Variants in KDM2A observed in about 807,000 individuals in gnomAD.
KDM2A encodes lysine demethylase 2A.
Under a neutral mutation model 137.3 loss-of-function variants are expected in KDM2A, and 3 were observed. That is an observed-to-expected ratio of 0.02 (90% confidence interval 0.01 to 0.06). KDM2A has a LOEUF of 0.06. Among genes scored for constraint, KDM2A ranks in the 10% least tolerant of loss-of-function variants. KDM2A has a pLI of 1.00. For missense variants in KDM2A, 738 were observed against 1,510.6 expected (o/e 0.49, Z 8.48); for synonymous variants, 512 against 541.5 (o/e 0.95, Z 0.76).
chr11:67,242,970 C>T (rs765487075), intron 12 of KDM2A, 39 bp from the exon 13 acceptor site: 1 of 1,549,034 alleles, frequency 6.5e-7, no homozygotes, highest in Non-Finnish European at 8.9e-7. Context: ...CTTTGTTCAC[C>T]CTGCCCTGAT....
intron 2 of KDM2A, among the ~76,000 whole-genome samples, chr11:67,131,636 T>G (rs1855857427): frequency 6.6e-6 from 1 of 152,038 alleles, no homozygotes; most frequent in Non-Finnish European, 1.5e-5. Context: ...GGTCTGGAAC[T>G]CCTGACCTCG....
chr11:67,214,766 C>T (rs1234321169), intron 6 of KDM2A, among the ~76,000 whole-genome samples: 1 of 152,176 alleles, frequency 6.6e-6, no homozygotes, highest in Admixed American at 6.5e-5. Context: ...GCCACTGTGC[C>T]TGGTCTATCT....
At chr11:67,253,943 G>A (rs1859519105) in intron 19 of KDM2A, among the ~76,000 whole-genome samples, 1 of 152,214 alleles carries the variant, frequency 6.6e-6, no homozygotes, top group Admixed American at 6.5e-5. Flanking sequence ...GGTATTGGAA[G>A]GGGAGGAGCA....
rs1022892429 is a variant in KDM2A at position 67,203,878 on chromosome 11, G to A, written c.308-3632G>A. 2.0e-5 allele frequency among the ~76,000 whole-genome samples: 3 copies of A among 149,992 alleles called. No homozygotes were observed. In the Admixed American group the frequency reaches 2.0e-4, roughly 10 times the overall value. The stretch of plus-strand genomic sequence containing the variant: ...TGCAGTGGTGCGATCTTGGCTCACT[G>A]CAACCTCTGCCTCTTGAATTCAAGC... On this transcript the variant is annotated intron_variant, in intron 5 of 20. Coordinates refer to ENST00000529006, the MANE Select transcript of KDM2A (RefSeq NM_012308.3).
At chr11:67,240,596 C>A (rs1859002684) in intron 12 of KDM2A, among the ~76,000 whole-genome samples, 1 of 152,184 alleles carries the variant, frequency 6.6e-6, no homozygotes, top group Non-Finnish European at 1.5e-5. Context: ...TCTGCCCAGG[C>A]ACCTTCTGTT....
chr11:67,236,337 G>T (rs905140639), intron 12 of KDM2A, among the ~76,000 whole-genome samples: 1 of 151,894 alleles, frequency 6.6e-6, no homozygotes, highest in East Asian at 1.9e-4. Flanking sequence ...TACCATGTTG[G>T]CCAGGCTGGT....
intron 2 of KDM2A, among the ~76,000 whole-genome samples, chr11:67,126,988 A>G (rs901053046): frequency 2.6e-5 from 4 of 152,210 alleles, no homozygotes; most frequent in African/African-American, 9.6e-5. Flanking sequence ...GAACAAAGCC[A>G]GAACTCTGAT....
chr11:67,148,249 G>C (rs769451571), intron 2 of KDM2A, among the ~76,000 whole-genome samples: 6 of 149,226 alleles, frequency 4.0e-5, no homozygotes, highest in Non-Finnish European at 7.4e-5. Flanking sequence ...TTGCAAGACC[G>C]CATCTCTATT....
chr11:67,184,872 A>G (rs188285108), intron 5 of KDM2A, among the ~76,000 whole-genome samples: 15 of 152,290 alleles, frequency 9.8e-5, no homozygotes, highest in Admixed American at 6.5e-4. Context: ...ATAAAACACA[A>G]AAAACCCTGG....
intron 2 of KDM2A, among the ~76,000 whole-genome samples, chr11:67,161,284 G>A (rs748091113): frequency 2.6e-5 from 4 of 152,152 alleles, no homozygotes; most frequent in Non-Finnish European, 4.4e-5. Flanking sequence ...ATGGTAAACT[G>A]TGACTTTTTC....
intron 2 of KDM2A, among the ~76,000 whole-genome samples, chr11:67,122,641 ATTTT>A (rs1361627243): frequency 4.3e-5 from 6 of 140,946 alleles, no homozygotes; most frequent in Non-Finnish European, 7.6e-5. Context: ...TTTTTTATTT[ATTTT>A]TATTTATTTA....
intron 12 of KDM2A, among the ~76,000 whole-genome samples, chr11:67,234,072 T>A (rs1858797614): frequency 6.6e-6 from 1 of 152,200 alleles, no homozygotes; most frequent in Non-Finnish European, 1.5e-5. Flanking sequence ...GACAACAGAT[T>A]TAGATTCCAG....
At chr11:67,225,557 C>T (rs1416980172) in intron 10 of KDM2A, among the ~76,000 whole-genome samples, 2 of 150,516 alleles carry the variant, frequency 1.3e-5, no homozygotes, top group South Asian at 2.1e-4. Flanking sequence ...GATCACCTGA[C>T]GTTGGGAGTT....
chr11:67,124,039 T>C (rs1017407679), intron 2 of KDM2A, among the ~76,000 whole-genome samples: 2 of 152,198 alleles, frequency 1.3e-5, no homozygotes, highest in Non-Finnish European at 2.9e-5. Context: ...AGTCTCGCTC[T>C]GTTGCCCAGG....
At chr11:67,196,451 C>G (rs1377093436) in intron 5 of KDM2A, 1 of 456,062 alleles carries the variant, frequency 2.2e-6, no homozygotes, top group South Asian at 1.5e-5. Context: ...AATGATAATT[C>G]ATAGTAGCTA....
chr11:67,157,071 T>C (rs932863956), intron 2 of KDM2A, among the ~76,000 whole-genome samples: 1 of 152,110 alleles, frequency 6.6e-6, no homozygotes, highest in African/African-American at 2.4e-5. Context: ...CCCAGCACTT[T>C]GGGAGGCCGA....
chr11:67,146,994 A>G (rs1856263672), intron 2 of KDM2A, among the ~76,000 whole-genome samples: 1 of 152,254 alleles, frequency 6.6e-6, no homozygotes, highest in Non-Finnish European at 1.5e-5. Flanking sequence ...CTGAAGACTA[A>G]GGTTAATTTG....
At chr11:67,249,620 C>T (rs1859346809) in intron 16 of KDM2A, among the ~76,000 whole-genome samples, 1 of 152,168 alleles carries the variant, frequency 6.6e-6, no homozygotes, top group Non-Finnish European at 1.5e-5. Context: ...AACCCAGTTT[C>T]TCAGAGAGGT....
At chr11:67,172,529 A>G (rs1856898570) in intron 2 of KDM2A, among the ~76,000 whole-genome samples, 1 of 151,188 alleles carries the variant, frequency 6.6e-6, no homozygotes, top group Non-Finnish European at 1.5e-5. Context: ...TTTTTATGCT[A>G]TTATAAATGG....
Sources: gnomAD v4.1 joint callset for allele counts (sites outside exome capture counted in the v4.1 genomes callset) on GRCh38, gnomAD v4.1.1 for gene constraint, MANE v1.5 for transcripts, NCBI Gene and HGNC (gene_info 2026-07-23, HGNC 2026-07-21) for gene names.